Variants in TDRD9 observed in about 807,000 individuals in gnomAD.
TDRD9 encodes the protein tudor domain containing 9, also known as ATP-dependent RNA helicase TDRD9.
A neutral mutation model predicts 172.6 loss-of-function variants in TDRD9; 124 were observed. The ratio of observed to expected loss-of-function variants is 0.72; its 90% CI spans 0.62 to 0.83. TDRD9 has a LOEUF of 0.83. Among genes scored for constraint, TDRD9 ranks in the 40% least tolerant of loss-of-function variants. The pLI is 0.00. For missense variants in TDRD9, 1,479 were observed against 1,714.1 expected (o/e 0.86, Z 2.42); for synonymous variants, 619 against 617.1 (o/e 1.00, Z -0.05).
At chr14:103,968,744 T>C (rs1490312194) in intron 5 of TDRD9, among the ~76,000 whole-genome samples, 8 of 92,994 alleles carry the variant, frequency 8.6e-5, no homozygotes, top group East Asian at 3.7e-4. Context: ...TGCAGTGAGC[T>C]GAGATTGCGC....
Position 103,991,820 on chromosome 14 carries a change from A to T in TDRD9, c.1180+596A>T, listed in dbSNP as rs2033881258. Among the ~76,000 whole-genome samples the T allele has an allele frequency of 2.7e-5, 4 of 150,502 alleles. No homozygotes were observed. In the South Asian group the frequency reaches 8.5e-4, roughly 32 times the overall value. On this transcript the variant is annotated intron_variant, in intron 9 of 35. Coordinates refer to ENST00000409874, the MANE Select transcript of TDRD9 (RefSeq NM_153046.3). ...TTGCCCAGGCAGGGGTACAGTGGCA[A>T]AATCTTAGCTCACTGCAACCTCTGC... is the stretch of plus-strand genomic sequence containing the variant.
intron 34 of TDRD9, among the ~76,000 whole-genome samples, chr14:104,049,036 C>T (rs77059054): frequency 0.048 from 7,292 of 152,072 alleles, 253 homozygotes; most frequent in East Asian, 0.071. Context: ...ATGAATGCTT[C>T]TCAACTTGTT....
chr14:103,944,932 T>C (rs1400028875), intron 1 of TDRD9, among the ~76,000 whole-genome samples: 1 of 152,200 alleles, frequency 6.6e-6, no homozygotes, highest in Non-Finnish European at 1.5e-5. Context: ...TTGCTGGCTT[T>C]CAGTCACTTA....
At chr14:104,037,654 CCCTTCTTTGCCA>C (rs1364601208) in intron 32 of TDRD9, among the ~76,000 whole-genome samples, 5 of 152,120 alleles carry the variant, frequency 3.3e-5, no homozygotes, top group African/African-American at 1.2e-4. Context: ...GGCCACTGTC[CCCTTCTTTGCCA>C]ACTGGCTGTG....
chr14:104,033,690 G>A lies in TDRD9; in HGVS notation c.3510-270G>A, dbSNP rs560641637. On this transcript the variant is annotated intron_variant, in intron 30 of 35. Transcript: ENST00000409874. The stretch of plus-strand genomic sequence containing the variant: ...AGGTGGAGGTTCGGGCATCCCCAGC[G>A]TGTGCGTGGTTCCTAAGCCAAGGAG... 7.4e-4 allele frequency among the ~76,000 whole-genome samples: 112 copies of A among 152,202 alleles called. 2 individuals carry two copies. In the South Asian group the frequency reaches 0.013, roughly 18 times the overall value.
intron 32 of TDRD9, among the ~76,000 whole-genome samples, chr14:104,039,271 C>G (rs1194149634): frequency 1.3e-5 from 2 of 152,144 alleles, no homozygotes; most frequent in African/African-American, 4.8e-5. Context: ...CCAGAGGGTC[C>G]CTCCCATGAC....
At chr14:103,932,132 G>A (rs2030430648) in intron 1 of TDRD9, among the ~76,000 whole-genome samples, 1 of 152,182 alleles carries the variant, frequency 6.6e-6, no homozygotes, top group African/African-American at 2.4e-5. Context: ...ATCCAGTTGA[G>A]TTCACCTGGA....
At chr14:104,046,881 T>C (rs4564506) in intron 34 of TDRD9, among the ~76,000 whole-genome samples, 144,259 of 152,292 alleles carry the variant, frequency 0.95, 68,809 homozygotes, top group East Asian at 1. Context: ...CTCCTGACTT[T>C]GTGATCCGCC....
At chr14:104,038,038 G>C (rs1201133188) in intron 32 of TDRD9, among the ~76,000 whole-genome samples, 2 of 152,106 alleles carry the variant, frequency 1.3e-5, no homozygotes, top group Non-Finnish European at 2.9e-5. Context: ...GCTCTTATTG[G>C]TGTAGTGACA....
chr14:103,934,563 A>C (rs1004147043), intron 1 of TDRD9, among the ~76,000 whole-genome samples: 3 of 152,128 alleles, frequency 2.0e-5, no homozygotes, highest in Admixed American at 1.3e-4. Context: ...TGGATCATGA[A>C]GTCAGGAGAT....
intron 34 of TDRD9, among the ~76,000 whole-genome samples, chr14:104,045,627 A>G (rs747541846): frequency 1.3e-5 from 2 of 152,180 alleles, no homozygotes; most frequent in Admixed American, 1.3e-4. Flanking sequence ...TTTGAATGTG[A>G]TATGTTTGAA....
chr14:103,938,469 C>T (rs550930409), intron 1 of TDRD9, among the ~76,000 whole-genome samples: 195 of 85,998 alleles, frequency 2.3e-3, no homozygotes, highest in South Asian at 0.013. Flanking sequence ...GATGGTGTCT[C>T]GCTCTGTTGC....
chr14:104,049,423 G>A, intron 34 of TDRD9, 185 bp from the exon 35 acceptor site: 1 of 457,306 alleles, frequency 2.2e-6, no homozygotes, highest in Non-Finnish European at 3.8e-6. Flanking sequence ...ATTTCTTTCT[G>A]CTTTTGAATA....
intron 6 of TDRD9, among the ~76,000 whole-genome samples, chr14:103,973,681 C>T (rs534911544): frequency 4.6e-5 from 7 of 152,322 alleles, no homozygotes; most frequent in Admixed American, 3.3e-4. Context: ...CTGGCCTCGT[C>T]GTTCCTTAAA....
Position 103,940,969 on chromosome 14 carries a change from A to G in TDRD9, c.215+12245A>G, listed in dbSNP as rs1040456638. ...GATCACAGAAGGAGCAGAGCAGTCC[A>G]TGCTCCCTGAGTCCTCCAGGTCCTC... On this transcript the variant is annotated intron_variant, in intron 1 of 35. Transcript: ENST00000409874. 5 of 1,535,276 alleles carry G rather than the reference A, an allele frequency of 3.3e-6. No homozygotes were observed. In the African/African-American group the frequency reaches 5.5e-5, roughly 17 times the overall value.
At chr14:103,986,843 C>T (rs566761098) in intron 8 of TDRD9, among the ~76,000 whole-genome samples, 9 of 152,230 alleles carry the variant, frequency 5.9e-5, no homozygotes, top group African/African-American at 1.2e-4. Flanking sequence ...TGGCTGGGCG[C>T]GGTGGCTCAT....
At position 104,022,222 on chromosome 14, in the gene TDRD9, C is replaced by A; in HGVS notation, c.2498C>A (p.Ala833Glu). The change falls in exon 24 of 36, where the codon GCA becomes GAA. Residue 833 changes from alanine to glutamate, a missense_variant. By Grantham distance (107) the Ala-to-Glu change is moderately radical. Around this residue, in one of 3 missense-constraint regions of TDRD9, gnomAD observed 1,413 missense variants for 1,649.1 expected, o/e 0.86. Coordinates refer to ENST00000409874, the MANE Select transcript of TDRD9 (RefSeq NM_153046.3). ...AAAACCCTTCCTGCAGTATATATGG[C>A]AATTAAGATGTCTCAACTAAAAGTT... ...RFKTLPAVYM[A>E]IKMSQLKVSL... 2 of 1,598,930 alleles carry A rather than the reference C, an allele frequency of 1.3e-6. No individual in the cohort carries two copies. The highest frequency in any genetic ancestry group is 1.7e-5 in the Admixed American group (1 of 57,360).
Position 104,022,272 on chromosome 14 carries a change from G to T in TDRD9, c.2548G>T (p.Ala850Ser). The T allele has an allele frequency of 6.2e-7, 1 of 1,613,690 alleles. No homozygotes were observed. Among genetic ancestry groups the T allele is most frequent in the Non-Finnish European group, 8.5e-7 (1 of 1,179,788 alleles). Reference sequence around the variant, plus strand: ...TTCACTTGAACTCAGCGTTCATTCTGCAGAGGAAATTGAAGGGAAGGTGCA... The same window carrying T: ...TTCACTTGAACTCAGCGTTCATTCTTCAGAGGAAATTGAAGGGAAGGTGCA... ...KVSLELSVHS[A>S]EEIEGKVQGM... The change falls in exon 24 of 36, where the codon GCA becomes TCA. Residue 850 changes from alanine to serine, a missense_variant. By Grantham distance (99) the Ala-to-Ser change is moderately conservative. Transcript: ENST00000409874.
intron 1 of TDRD9, chr14:103,940,844 T>C (rs1453891017): frequency 1.3e-6 from 2 of 1,535,300 alleles, no homozygotes; most frequent in South Asian, 2.4e-5. Context: ...TTCCATATTC[T>C]GTGTGAGAAC....
Sources: gnomAD v4.1 joint callset for allele counts (sites outside exome capture counted in the v4.1 genomes callset) on GRCh38, gnomAD v4.1.1 for gene constraint, gnomAD v4.1.1 regional missense constraint, MANE v1.5 for transcripts, NCBI Gene and HGNC (gene_info 2026-07-23, HGNC 2026-07-21) for gene names.